The following ADAMTS19 variants were observed in gnomAD, a reference collection of about 807,000 sequenced individuals.
ADAMTS19 encodes A disintegrin and metalloproteinase with thrombospondin motifs 19.
A neutral mutation model predicts 153.3 loss-of-function variants in ADAMTS19; 93 were observed. That is an observed-to-expected ratio of 0.61 (90% confidence interval 0.51 to 0.72). The LOEUF is 0.72. ADAMTS19 is among the 30% of genes least tolerant of loss of function. The pLI is 0.00. For synonymous variants in ADAMTS19, 600 were observed against 556.6 expected (o/e 1.08, Z -1.10); for missense variants, 1,482 against 1,552.1 (o/e 0.95, Z 0.76).
intron 2 of ADAMTS19, among the ~76,000 whole-genome samples, chr5:129,487,310 C>T (rs1750630839): frequency 6.6e-6 from 1 of 151,946 alleles, no homozygotes; most frequent in African/African-American, 2.4e-5. Context: ...ATATATGATG[C>T]TATATTTTGT....
chr5:129,717,462 C>T (rs1756783847), intron 21 of ADAMTS19, among the ~76,000 whole-genome samples: 2 of 152,258 alleles, frequency 1.3e-5, no homozygotes, highest in Admixed American at 6.5e-5. Flanking sequence ...ACATAATTTT[C>T]GTAGTCATAC....
chr5:129,472,628 CA>C (rs1750103523), intron 2 of ADAMTS19, among the ~76,000 whole-genome samples: 1 of 151,992 alleles, frequency 6.6e-6, no homozygotes, highest in South Asian at 2.1e-4. Context: ...AAGAAAGCAA[CA>C]GTTGAAATCT....
intron 6 of ADAMTS19, among the ~76,000 whole-genome samples, chr5:129,536,299 A>T (rs1268564595): frequency 6.6e-6 from 1 of 152,218 alleles, no homozygotes; most frequent in East Asian, 1.9e-4. Flanking sequence ...CAGCCAAAAG[A>T]CACATGAAAA....
At chr5:129,637,174 T>G (rs1561618581) in intron 10 of ADAMTS19, among the ~76,000 whole-genome samples, 1 of 152,202 alleles carries the variant, frequency 6.6e-6, no homozygotes, top group Non-Finnish European at 1.5e-5. Context: ...TAGATGCCCT[T>G]TAATTATACA....
At chr5:129,474,699 C>G (rs1452231139) in intron 2 of ADAMTS19, among the ~76,000 whole-genome samples, 1 of 152,150 alleles carries the variant, frequency 6.6e-6, no homozygotes, top group East Asian at 1.9e-4. Context: ...TTATAACCAT[C>G]TGGAGTCACT....
chr5:129,515,900 T>C (rs1751589126), intron 3 of ADAMTS19, among the ~76,000 whole-genome samples: 1 of 151,964 alleles, frequency 6.6e-6, no homozygotes, highest in East Asian at 1.9e-4. Context: ...TTTTCCCCTT[T>C]AGTATGATAC....
chr5:129,575,255 G>A (rs4836461), intron 7 of ADAMTS19, among the ~76,000 whole-genome samples: 126,984 of 151,910 alleles, frequency 0.84, 53,327 homozygotes, highest in Non-Finnish European at 0.88. Flanking sequence ...AATGCTGTCA[G>A]TGCTTTTGCT....
chr5:129,596,486 C>A, intron 7 of ADAMTS19, 73 bp from the exon 8 acceptor site: 1 of 1,012,560 alleles, frequency 9.9e-7, no homozygotes, highest in Non-Finnish European at 1.5e-6. Flanking sequence ...ATTTTCATTC[C>A]TGCTGCTAAT....
intron 7 of ADAMTS19, among the ~76,000 whole-genome samples, chr5:129,554,878 T>A (rs987883472): frequency 1.3e-5 from 2 of 152,182 alleles, no homozygotes; most frequent in South Asian, 4.1e-4. Flanking sequence ...TGTTAAAAAA[T>A]TAAATGAGCA....
chr5:129,673,784 T>G (rs1754419055), intron 16 of ADAMTS19, among the ~76,000 whole-genome samples: 1 of 152,234 alleles, frequency 6.6e-6, no homozygotes, highest in Non-Finnish European at 1.5e-5. Flanking sequence ...TTTTGATACT[T>G]TAGCATACAC....
At chr5:129,535,547 A>T (rs963448446) in intron 6 of ADAMTS19, among the ~76,000 whole-genome samples, 1 of 152,190 alleles carries the variant, frequency 6.6e-6, no homozygotes. Context: ...TCTTCACAGA[A>T]TTGGAAAAAG....
Position 129,687,625 on chromosome 5 carries a change from A to T in ADAMTS19, c.2818+3352A>T, listed in dbSNP as rs576278612. Among the ~76,000 whole-genome samples the T allele has an allele frequency of 1.5e-4, 23 of 152,280 alleles. No individual in the cohort carries two copies. The South Asian group carries it at 4.6e-3, about 30-fold the overall frequency. ...TAAACATAACTTCTTAATTATCAACATGAGAAAATTGAAGGGCTTAGAGGT... is the reference window on the plus strand; with the variant it reads ...TAAACATAACTTCTTAATTATCAACTTGAGAAAATTGAAGGGCTTAGAGGT... On this transcript the variant is annotated intron_variant, in intron 18 of 22. Transcript: ENST00000274487.
intron 11 of ADAMTS19, among the ~76,000 whole-genome samples, chr5:129,643,144 C>G (rs1013635927): frequency 6.6e-6 from 1 of 151,276 alleles, no homozygotes; most frequent in African/African-American, 2.4e-5. Flanking sequence ...AGTGTGTATA[C>G]AGATGTGAAT....
chr5:129,708,909 A>G (rs923499851), intron 21 of ADAMTS19, among the ~76,000 whole-genome samples: 4 of 152,152 alleles, frequency 2.6e-5, no homozygotes, highest in Admixed American at 2.0e-4. Flanking sequence ...TTGAAATGAC[A>G]TAATCTAAAA....
intron 15 of ADAMTS19, among the ~76,000 whole-genome samples, chr5:129,660,084 T>C (rs546154464): frequency 6.6e-6 from 1 of 152,210 alleles, no homozygotes; most frequent in South Asian, 2.1e-4. Context: ...GAAAAGAAAA[T>C]TAGTCACCAT....
intron 7 of ADAMTS19, among the ~76,000 whole-genome samples, chr5:129,579,447 A>G (rs977636140): frequency 1.3e-5 from 2 of 152,188 alleles, no homozygotes; most frequent in South Asian, 2.1e-4. Context: ...GATTAATTAG[A>G]TCCCATTTGT....
chr5:129,676,008 C>A (rs1396829537), intron 16 of ADAMTS19, among the ~76,000 whole-genome samples: 1 of 152,098 alleles, frequency 6.6e-6, no homozygotes, highest in East Asian at 1.9e-4. Context: ...GCACTCCAAT[C>A]TGGGTGACAG....
Position 129,600,910 on chromosome 5 carries a change from C to T in ADAMTS19, c.1478+4246C>T, listed in dbSNP as rs542707235. On this transcript the variant is annotated intron_variant, in intron 8 of 22. Coordinates refer to ENST00000274487, the MANE Select transcript of ADAMTS19 (RefSeq NM_133638.6). ...ATTGAGACGGGGTCTCCCTCTGTAG[C>T]CCAGGCTGGAGTGCAGTGGCTCGAT... Among the ~76,000 whole-genome samples the T allele has an allele frequency of 8.7e-4, 132 of 152,048 alleles. 1 individual carries two copies. Among genetic ancestry groups the T allele is most frequent in the African/African-American group, 2.8e-3 (117 of 41,478 alleles).
chr5:129,587,109 A>C (rs1246245693), intron 7 of ADAMTS19, among the ~76,000 whole-genome samples: 5 of 152,098 alleles, frequency 3.3e-5, no homozygotes, highest in Admixed American at 6.6e-5. Context: ...TTTAATTTGC[A>C]GTTACATTAT....
Sources: allele counts gnomAD v4.1 joint callset (sites outside exome capture counted in the v4.1 genomes callset), GRCh38; gene constraint gnomAD v4.1.1; transcripts MANE v1.5; gene names NCBI Gene and HGNC (gene_info 2026-07-23, HGNC 2026-07-21).